Variants in SLC25A26 observed in about 807,000 individuals in gnomAD.
The protein encoded by SLC25A26 is solute carrier family 25 member 26.
Under a neutral mutation model 37.8 loss-of-function variants are expected in SLC25A26, and 36 were observed. The ratio of observed to expected loss-of-function variants is 0.95; its 90% CI spans 0.73 to 1.26. The LOEUF (loss-of-function observed/expected upper bound fraction) is 1.26, where lower values mean the gene tolerates loss of function less well. SLC25A26 is among the 50% of genes most tolerant of loss of function. The probability of loss-of-function intolerance (pLI) is 0.00; values close to 1 mark genes in which losing one functional copy is unlikely to be tolerated. For synonymous variants in SLC25A26, 129 were observed against 122.5 expected (o/e 1.05, Z -0.35); for missense variants, 390 against 331.1 (o/e 1.18, Z -1.38).
intron 5 of SLC25A26, among the ~76,000 whole-genome samples, chr3:66,342,586 T>A (rs1018690608): frequency 6.6e-6 from 1 of 152,228 alleles, no homozygotes; most frequent in Non-Finnish European, 1.5e-5. Context: ...AAGCATTGAT[T>A]GGCTTCAAAG....
intron 6 of SLC25A26, among the ~76,000 whole-genome samples, chr3:66,360,548 AATACAAG>A (rs1448162977): frequency 1.3e-5 from 2 of 152,232 alleles, no homozygotes; most frequent in Non-Finnish European, 2.9e-5. Flanking sequence ...AAGGCTGCAG[AATACAAG>A]ATCAGTGTAC....
chr3:66,280,772 A>C (rs2074309633), intron 5 of SLC25A26, among the ~76,000 whole-genome samples: 1 of 152,084 alleles, frequency 6.6e-6, no homozygotes, highest in Non-Finnish European at 1.5e-5. Flanking sequence ...ATTTTGCTTA[A>C]TCTGCTCTGC....
chr3:66,155,783 T>C (rs1291921769), intron 1 of SLC25A26, among the ~76,000 whole-genome samples: 1 of 152,092 alleles, frequency 6.6e-6, no homozygotes, highest in African/African-American at 2.4e-5. Flanking sequence ...CCAGACTCTC[T>C]CGCTCTCTCC....
At chr3:66,152,099 G>A (rs1403651837) in intron 1 of SLC25A26, among the ~76,000 whole-genome samples, 1 of 152,172 alleles carries the variant, frequency 6.6e-6, no homozygotes, top group South Asian at 2.1e-4. Context: ...CCCAGTGCTT[G>A]AGAGATCCGT....
At chr3:66,287,505 A>G (rs923929212) in intron 5 of SLC25A26, among the ~76,000 whole-genome samples, 4 of 152,184 alleles carry the variant, frequency 2.6e-5, no homozygotes, top group Admixed American at 2.6e-4. Flanking sequence ...GTTAATATGT[A>G]GACAGTGGAT....
chr3:66,362,365 C>G (rs141725482), intron 6 of SLC25A26, among the ~76,000 whole-genome samples: 26 of 152,264 alleles, frequency 1.7e-4, no homozygotes, highest in African/African-American at 6.3e-4. Context: ...AAGAAGGCAA[C>G]TGTTGATATC....
chr3:66,292,854 C>G (rs1010736951), intron 5 of SLC25A26, among the ~76,000 whole-genome samples: 2 of 152,140 alleles, frequency 1.3e-5, no homozygotes, highest in African/African-American at 4.8e-5. Flanking sequence ...TGGGGAAGTT[C>G]TCCTGGATAA....
intron 1 of SLC25A26, among the ~76,000 whole-genome samples, chr3:66,209,903 TATATATATATA>T (rs2071258941): frequency 6.0e-5 from 1 of 16,618 alleles, no homozygotes; most frequent in Non-Finnish European, 1.1e-4. Flanking sequence ...TCTATTTATA[TATATATATATA>T]TATATATATA....
intron 1 of SLC25A26, among the ~76,000 whole-genome samples, chr3:66,194,866 G>T (rs1264520908): frequency 6.6e-6 from 1 of 152,228 alleles, no homozygotes; most frequent in Non-Finnish European, 1.5e-5. Context: ...CTCCCAAAGT[G>T]CTGGGATTAC....
chr3:66,145,832 CAG>C (rs1418022719), intron 1 of SLC25A26, among the ~76,000 whole-genome samples: 12 of 151,988 alleles, frequency 7.9e-5, no homozygotes, highest in Non-Finnish European at 1.5e-4. Flanking sequence ...AGTAAAATTT[CAG>C]AGTGTTTTGT....
At chr3:66,361,147 G>T (rs2076698711) in intron 6 of SLC25A26, among the ~76,000 whole-genome samples, 1 of 152,138 alleles carries the variant, frequency 6.6e-6, no homozygotes, top group African/African-American at 2.4e-5. Flanking sequence ...TTGGAGAAAT[G>T]ATTATCTTTC....
rs1700855474 is a variant in SLC25A26, at chr3:66,378,896, C to G, written c.*1089C>G. On this transcript the variant is annotated 3_prime_UTR_variant, in exon 10 of 10. Coordinates refer to ENST00000354883, the MANE Select transcript of SLC25A26 (RefSeq NM_001379210.1). ...TTCAATGTACACTGTACCAAAATTT[C>G]TATAAATAAATAACTTTGTACATAA... is the stretch of plus-strand genomic sequence containing the variant. 1 of 152,608 alleles carries G rather than the reference C, an allele frequency of 6.6e-6. No individual in the cohort carries two copies. The highest frequency in any genetic ancestry group is 2.1e-4 in the South Asian group (1 of 4,832). 9.5% of individuals were successfully genotyped at this position (152,608 alleles called of 1,614,324 possible).
intron 7 of SLC25A26, among the ~76,000 whole-genome samples, chr3:66,367,720 A>C (rs1284107691): frequency 6.6e-6 from 1 of 152,014 alleles, no homozygotes; most frequent in African/African-American, 2.4e-5. Context: ...AGAGAGAGAG[A>C]GAGAGAGAGA....
At chr3:66,295,785 A>G (rs1359356326) in intron 5 of SLC25A26, among the ~76,000 whole-genome samples, 1 of 151,256 alleles carries the variant, frequency 6.6e-6, no homozygotes, top group Non-Finnish European at 1.5e-5. Context: ...GGTGCAAGCC[A>G]CCGTGCCCGG....
chr3:66,244,337 A>G (rs1039690211), intron 3 of SLC25A26, among the ~76,000 whole-genome samples: 1 of 152,192 alleles, frequency 6.6e-6, no homozygotes, highest in East Asian at 1.9e-4. Context: ...TAAAGCAAAA[A>G]CTGACAGAAT....
intron 2 of SLC25A26, among the ~76,000 whole-genome samples, chr3:66,240,747 C>CTTTTTTTT (rs782761312): frequency 7.7e-6 from 1 of 129,154 alleles, no homozygotes; most frequent in African/African-American, 2.9e-5. Flanking sequence ...CTTTTCTTTT[C>CTTTTTTTT]TTTTTTTTTT....
At chr3:66,223,102 A>G (rs2071577215) in intron 1 of SLC25A26, among the ~76,000 whole-genome samples, 1 of 152,234 alleles carries the variant, frequency 6.6e-6, no homozygotes, top group African/African-American at 2.4e-5. Flanking sequence ...TAGGGAAGAA[A>G]GGCCAGCAGA....
upstream of SLC25A26, among the ~76,000 whole-genome samples, chr3:66,217,994 A>G (rs1428797402): frequency 3.9e-5 from 6 of 152,196 alleles, no homozygotes; most frequent in Admixed American, 2.6e-4. Context: ...TGCCCACTTC[A>G]TAGTCAATAC....
chr3:66,176,601 G>A (rs566932184), intron 1 of SLC25A26, among the ~76,000 whole-genome samples: 6 of 152,288 alleles, frequency 3.9e-5, no homozygotes, highest in African/African-American at 1.2e-4. Flanking sequence ...GGGAAAAAAC[G>A]GTAGCCAGAA....
Sources: allele counts gnomAD v4.1 joint callset (sites outside exome capture counted in the v4.1 genomes callset), GRCh38; gene constraint gnomAD v4.1.1; transcripts MANE v1.5; gene names NCBI Gene and HGNC (gene_info 2026-07-23, HGNC 2026-07-21).